ARL5C: variants seen among roughly 807,000 people sequenced by gnomAD.
ARL5C encodes the protein putative ADP-ribosylation factor-like protein 5C.
In ARL5C, 21 loss-of-function variants were observed where a neutral mutation model predicts 20.8. The observed-to-expected ratio is 1.01, with a 90% CI of 0.72 to 1.46. The LOEUF is 1.46. ARL5C is among the 40% of genes most tolerant of loss of function. ARL5C has a pLI of 0.00. For synonymous variants in ARL5C, 71 were observed against 81.6 expected (o/e 0.87, Z 0.70); for missense variants, 199 against 225.1 (o/e 0.88, Z 0.74).
chr17:39,159,548 T>C (rs955874681), intron 5 of ARL5C, among the ~76,000 whole-genome samples: 4 of 152,036 alleles, frequency 2.6e-5, no homozygotes, highest in Non-Finnish European at 5.9e-5. Context: ...CTGCCCGCCT[T>C]GGCCTCCCAA....
intron 5 of ARL5C, among the ~76,000 whole-genome samples, chr17:39,159,544 G>A (rs532489718): frequency 1.3e-5 from 2 of 151,996 alleles, no homozygotes; most frequent in Admixed American, 6.6e-5. Flanking sequence ...TGATCTGCCC[G>A]CCTTGGCCTC....
chr17:39,159,609 C>T (rs1285756805), intron 5 of ARL5C, among the ~76,000 whole-genome samples: 1 of 152,046 alleles, frequency 6.6e-6, no homozygotes, highest in African/African-American at 2.4e-5. Context: ...CATTTTCTAA[C>T]TGACTATATA....
Position 39,165,809 on chromosome 17 carries a change from GC to G in ARL5C, c.-50del. 8 of 1,548,752 alleles carry G rather than the reference GC, an allele frequency of 5.2e-6. No homozygotes were observed. Among genetic ancestry groups the G allele is most frequent in the Non-Finnish European group, 6.1e-6 (7 of 1,144,810 alleles). The stretch of plus-strand genomic sequence containing the variant: ...GCAGGAGGGCTCAGCGGCCTCAGGA[GC>G]GGAGTCGGCCCTGGTATTCGGAGCT... On this transcript the variant is annotated 5_prime_UTR_variant, in exon 1 of 6. Coordinates refer to ENST00000269586, the MANE Select transcript of ARL5C (RefSeq NM_001143968.1).
chr17:39,157,040 C>G, intron 5 of ARL5C, 98 bp from the exon 6 acceptor site: 1 of 1,285,838 alleles, frequency 7.8e-7, no homozygotes, highest in Non-Finnish European at 1.1e-6. Flanking sequence ...GTGCAGGAAC[C>G]AAAGTTACAT....
intron 2 of ARL5C, 108 bp from the exon 3 acceptor site, chr17:39,162,966 AC>A: frequency 4.5e-6 from 6 of 1,324,378 alleles, no homozygotes; most frequent in Non-Finnish European, 6.1e-6. Flanking sequence ...GAACAAGTCC[AC>A]CCAGGTTCAC....
chr17:39,159,871 T>G (rs557016626), intron 5 of ARL5C, among the ~76,000 whole-genome samples: 28 of 152,354 alleles, frequency 1.8e-4, no homozygotes, highest in Admixed American at 1.8e-3. Flanking sequence ...CCTGGAAGGC[T>G]TGTTCCCCAG....
chr17:39,163,674 G>A (rs1235993536), intron 2 of ARL5C, among the ~76,000 whole-genome samples: 6 of 149,368 alleles, frequency 4.0e-5, no homozygotes, highest in Admixed American at 6.7e-5. Context: ...TTACAGGCAT[G>A]AGCCACCGCA....
intron 2 of ARL5C, 177 bp downstream of exon 2, chr17:39,164,902 T>C (rs149848869): frequency 9.6e-6 from 6 of 622,370 alleles, no homozygotes; most frequent in Non-Finnish European, 1.7e-5. Flanking sequence ...GGTGCAGGAT[T>C]TGAATGCCAG....
At chr17:39,165,414 A>C (rs1567782087) in intron 1 of ARL5C, 4 of 588,814 alleles carry the variant, frequency 6.8e-6, no homozygotes, top group Non-Finnish European at 1.2e-5. Flanking sequence ...GTTTAGAGAA[A>C]GAGCATAACG....
chr17:39,163,350 C>CT (rs2045444802), intron 2 of ARL5C, among the ~76,000 whole-genome samples: 1 of 94,924 alleles, frequency 1.1e-5, no homozygotes, highest in Admixed American at 1.2e-4. Context: ...TTTTGCCTTT[C>CT]TTTCTTTCTT....
rs2045434066 is a variant in ARL5C at position 39,161,356 on chromosome 17, G to A, written c.256-5C>T. 2.6e-6 allele frequency: 4 copies of A among 1,551,770 alleles called. No individual in the cohort carries two copies. The highest frequency in any genetic ancestry group is 2.0e-5 in the Admixed American group (1 of 50,974). ...GTCAATCACAAGGATGATAAACTGG[G>A]CAGCAGAGGGGAGCCGTGAGAGACA... is the stretch of plus-strand genomic sequence containing the variant. On this transcript the variant is annotated splice_polypyrimidine_tract_variant and splice_region_variant and intron_variant, in intron 3 of 5. Transcript: ENST00000269586.
Position 39,162,792 on chromosome 17 carries a change from C to T in ARL5C, c.174G>A (p.Pro58=), listed in dbSNP as rs1391398844. 1.0e-5 allele frequency: 16 copies of T among 1,551,422 alleles called. 1 individual carries two copies. The highest frequency in any genetic ancestry group is 1.7e-4 in the Middle Eastern group (1 of 5,912). Residue 58 remains proline, a synonymous_variant, in exon 3 of 6, where the codon CCG becomes CCA. Coordinates refer to ENST00000269586, the MANE Select transcript of ARL5C (RefSeq NM_001143968.1). ...IGSNVEEIIL[P]KTHFFMWDIV... ...TGTCCCACATGAAGAAGTGGGTCTT[C>T]GGCAGAATGATCTCCTCCACGTTGC... is the stretch of plus-strand genomic sequence containing the variant.
In ARL5C at chr17:39,165,783, T is replaced by G; in HGVS notation, c.-23A>C. The G allele has an allele frequency of 6.4e-7, 1 of 1,551,718 alleles. No individual in the cohort carries two copies. Among genetic ancestry groups the G allele is most frequent in the Non-Finnish European group, 8.7e-7 (1 of 1,146,968 alleles). On this transcript the variant is annotated 5_prime_UTR_variant, in exon 1 of 6. Coordinates refer to ENST00000269586, the MANE Select transcript of ARL5C (RefSeq NM_001143968.1). ...CATGGCACTTCCCGGGCCGGACAGG[T>G]GCAGGAGGGCTCAGCGGCCTCAGGA...
chr17:39,165,694 G>A, intron 1 of ARL5C, 21 bp downstream of exon 1: 1 of 1,551,782 alleles, frequency 6.4e-7, no homozygotes, highest in African/African-American at 1.4e-5. Flanking sequence ...CGCTCGCTTG[G>A]ATGCCCTGTG....
intron 2 of ARL5C, 50 bp from the exon 3 acceptor site, chr17:39,162,908 C>G: frequency 2.0e-6 from 3 of 1,535,306 alleles, no homozygotes; most frequent in Non-Finnish European, 2.6e-6. Flanking sequence ...CTACTCCCAA[C>G]TCTGGCCCCC....
chr17:39,158,095 CGAAGAAAGGGAA>C (rs2045415415), intron 5 of ARL5C, among the ~76,000 whole-genome samples: 1 of 123,256 alleles, frequency 8.1e-6, no homozygotes, highest in African/African-American at 3.1e-5. Flanking sequence ...AAGTGGCCGT[CGAAGAAAGGGAA>C]GGAGGGAGGG....
Position 39,165,942 on chromosome 17 carries a change from A to G in ARL5C, c.-182T>C, listed in dbSNP as rs1400026192. ...TCTGGGACGCTGGCCCTTCGTGGGC[A>G]CTATGGACACCCCAGTGACTAAGGG... is the stretch of plus-strand genomic sequence containing the variant. On this transcript the variant is annotated 5_prime_UTR_variant, in exon 1 of 6. Coordinates refer to ENST00000269586, the MANE Select transcript of ARL5C (RefSeq NM_001143968.1). The G allele has an allele frequency of 6.1e-6, 4 of 654,146 alleles. No individual in the cohort carries two copies. The East Asian group carries it at 1.1e-4, about 18-fold the overall frequency. 40.5% of individuals were successfully genotyped at this position (654,146 alleles called of 1,614,324 possible).
rs906866666 is a variant in ARL5C at position 39,161,321 on chromosome 17, G to C, written c.286C>G (p.Arg96Gly). 1 of 1,551,902 alleles carries C rather than the reference G, an allele frequency of 6.4e-7. No homozygotes were observed. The highest frequency in any genetic ancestry group is 2.4e-5 in the East Asian group (1 of 41,050). ...TCCCGAGTGGTCAGCAGCCGATCCC[G>C]GTCCGTGCTGTCAATCACAAGGATG... is the stretch of plus-strand genomic sequence containing the variant. ...FIILVIDSTD[R>G]DRLLTTREEL... is the part of the protein sequence containing the mutation. The change falls in exon 4 of 6, where the codon CGG becomes GGG. Residue 96 changes from arginine (R) to glycine (G), a missense_variant. Physicochemically the swap from Arg to Gly is moderately radical, Grantham distance 125. Transcript: ENST00000269586.
chr17:39,164,254 T>G (rs986215301), intron 2 of ARL5C: 2 of 152,238 alleles, frequency 1.3e-5, no homozygotes, highest in Admixed American at 1.3e-4. Context: ...TAATAAGCTT[T>G]CAGGTGATGC....
Sources: allele counts gnomAD v4.1 joint callset (sites outside exome capture counted in the v4.1 genomes callset), GRCh38; gene constraint gnomAD v4.1.1; transcripts MANE v1.5; gene names NCBI Gene and HGNC (gene_info 2026-07-23, HGNC 2026-07-21).